GPC6: variants seen among roughly 807,000 people sequenced by gnomAD.
The protein encoded by GPC6 is glypican 6, also known as glypican-6.
In GPC6, 14 loss-of-function variants were observed where a neutral mutation model predicts 55.2. The observed-to-expected ratio is 0.25, with a 90% CI of 0.17 to 0.40. The LOEUF (loss-of-function observed/expected upper bound fraction) is 0.40. Ranked by LOEUF, GPC6 falls within the 10% of genes least tolerant of loss-of-function variation. The pLI is 1.00. For missense variants in GPC6, 641 were observed against 708.5 expected (o/e 0.90, Z 1.08); for synonymous variants, 278 against 259.6 (o/e 1.07, Z -0.68).
chr13:93,840,317 A>G (rs975473635), intron 3 of GPC6, among the ~76,000 whole-genome samples: 3 of 152,124 alleles, frequency 2.0e-5, no homozygotes, highest in South Asian at 2.1e-4. Context: ...CTGTGAACAC[A>G]TTTACGCACA....
chr13:93,568,681 C>T (rs1168714121), intron 2 of GPC6, among the ~76,000 whole-genome samples: 3 of 152,144 alleles, frequency 2.0e-5, no homozygotes, highest in African/African-American at 7.2e-5. Context: ...GACCTCTGCA[C>T]ATCCTTACAA....
rs73548001 is a variant in GPC6, at chr13:94,218,407, G to T, written c.878-67942G>T. On this transcript the variant is annotated intron_variant, in intron 4 of 8. Coordinates refer to ENST00000377047, the MANE Select transcript of GPC6 (RefSeq NM_005708.5). ...TGCTTGAGGCTGAATCTTTCATGAGGTGGAAGAGGTAAAAATGGCAGGGTT... is the reference window on the plus strand; with the variant it reads ...TGCTTGAGGCTGAATCTTTCATGAGTTGGAAGAGGTAAAAATGGCAGGGTT... Among the ~76,000 whole-genome samples, 328 of 152,250 alleles carry T rather than the reference G, an allele frequency of 2.2e-3. 1 individual carries two copies. Among genetic ancestry groups the T allele is most frequent in the African/African-American group, 7.6e-3 (317 of 41,556 alleles).
intron 1 of GPC6, among the ~76,000 whole-genome samples, chr13:93,530,472 A>T (rs187773609): frequency 2.0e-5 from 3 of 152,270 alleles, no homozygotes; most frequent in Admixed American, 2.0e-4. Context: ...TGGGTAGTGG[A>T]AATGCGGACT....
intron 2 of GPC6, among the ~76,000 whole-genome samples, chr13:93,784,632 C>G (rs185703721): frequency 6.6e-6 from 1 of 152,170 alleles, no homozygotes; most frequent in African/African-American, 2.4e-5. Context: ...GCTGAAACCT[C>G]TTGTCTACTT....
At chr13:93,668,880 A>G (rs756299501) in intron 2 of GPC6, among the ~76,000 whole-genome samples, 15 of 152,226 alleles carry the variant, frequency 9.9e-5, no homozygotes, top group Non-Finnish European at 1.8e-4. Context: ...GCTTACCTGG[A>G]AACACTTAGA....
Position 93,677,324 on chromosome 13 carries a change from A to G in GPC6, c.319+131903A>G, listed in dbSNP as rs112154642. On this transcript the variant is annotated intron_variant, in intron 2 of 8. Coordinates refer to ENST00000377047, the MANE Select transcript of GPC6 (RefSeq NM_005708.5). The stretch of plus-strand genomic sequence containing the variant: ...ATAAGTATAGTTATCCCTACAGGGG[A>G]TAGTTTCTCTAGATGATGGTAGATG... 1.9e-4 allele frequency among the ~76,000 whole-genome samples: 29 copies of G among 152,206 alleles called. No individual in the cohort carries two copies. The East Asian group carries it at 5.6e-3, about 29-fold the overall frequency.
intron 4 of GPC6, among the ~76,000 whole-genome samples, chr13:94,261,005 G>C (rs1193951141): frequency 6.6e-6 from 1 of 152,184 alleles, no homozygotes; most frequent in Non-Finnish European, 1.5e-5. Flanking sequence ...CGGGCACAGT[G>C]GCTCATGTCT....
chr13:93,921,813 C>G (rs971462070), intron 3 of GPC6, among the ~76,000 whole-genome samples: 1 of 151,638 alleles, frequency 6.6e-6, no homozygotes, highest in African/African-American at 2.4e-5. Context: ...GCTTGGGGTG[C>G]GAAAACAGGA....
At chr13:93,678,192 C>G (rs1460634543) in intron 2 of GPC6, among the ~76,000 whole-genome samples, 1 of 152,086 alleles carries the variant, frequency 6.6e-6, no homozygotes, top group Non-Finnish European at 1.5e-5. Flanking sequence ...AATATGCATA[C>G]CCTTTCACAA....
intron 2 of GPC6, among the ~76,000 whole-genome samples, chr13:93,666,069 G>C (rs570182410): frequency 6.6e-6 from 1 of 152,252 alleles, no homozygotes; most frequent in East Asian, 1.9e-4. Flanking sequence ...TATACTAATT[G>C]TTGAATGAAC....
chr13:93,517,929 C>T (rs1881262111), intron 1 of GPC6, among the ~76,000 whole-genome samples: 1 of 151,444 alleles, frequency 6.6e-6, no homozygotes. Flanking sequence ...AATCTCTCTT[C>T]TAATTTTAGT....
intron 4 of GPC6, among the ~76,000 whole-genome samples, chr13:94,216,527 TATGAGAATCCCAGTCTGAGACTAA>T (rs1321396495): frequency 6.6e-6 from 1 of 152,234 alleles, no homozygotes; most frequent in East Asian, 1.9e-4. Context: ...ACCAAATTGA[TATGAGAATCCCAGTCTGAGACTAA>T]ATGTGACACA....
rs541605290 is a variant in GPC6, at chr13:93,277,748, T to C, written c.160+50132T>C. ...TTTATTGTGGTAAATATCTTTTCAA[T>C]GTACTATAAGTTTTCTAAGGGCAGG... On this transcript the variant is annotated intron_variant, in intron 1 of 8. Transcript: ENST00000377047. Among the ~76,000 whole-genome samples, 6 of 152,332 alleles carry C rather than the reference T, an allele frequency of 3.9e-5. No homozygotes were observed. The South Asian group carries it at 1.0e-3, about 26-fold the overall frequency.
intron 2 of GPC6, among the ~76,000 whole-genome samples, chr13:93,616,005 G>A (rs1878700958): frequency 6.6e-6 from 1 of 152,088 alleles, no homozygotes; most frequent in Admixed American, 6.6e-5. Context: ...CTAAGTATTT[G>A]AAGAAGGATT....
At chr13:93,505,467 A>G (rs962829748) in intron 1 of GPC6, among the ~76,000 whole-genome samples, 3 of 152,118 alleles carry the variant, frequency 2.0e-5, no homozygotes, top group Admixed American at 6.6e-5. Context: ...AGAGAGAGAG[A>G]GAGAGAGAAA....
intron 1 of GPC6, among the ~76,000 whole-genome samples, chr13:93,302,653 C>T (rs1274183794): frequency 2.0e-5 from 3 of 152,172 alleles, no homozygotes; most frequent in Non-Finnish European, 4.4e-5. Flanking sequence ...TGAAGTCAAA[C>T]TTGTCTGCCA....
intron 2 of GPC6, among the ~76,000 whole-genome samples, chr13:93,689,991 T>G (rs1317153320): frequency 2.6e-5 from 4 of 152,094 alleles, no homozygotes; most frequent in Non-Finnish European, 5.9e-5. Flanking sequence ...AGATCTGTAG[T>G]GATATAGATA....
chr13:94,160,565 C>T (rs1443024583), intron 4 of GPC6, among the ~76,000 whole-genome samples: 2 of 152,214 alleles, frequency 1.3e-5, no homozygotes, highest in East Asian at 1.9e-4. Context: ...GGGTTGCAGG[C>T]CCATTAAACC....
chr13:93,261,992 A>G (rs1594058668), intron 1 of GPC6, among the ~76,000 whole-genome samples: 1 of 151,400 alleles, frequency 6.6e-6, no homozygotes, highest in Non-Finnish European at 1.5e-5. Context: ...TATTTTGTTA[A>G]TGTGAAGTCA....
Sources: allele counts gnomAD v4.1 joint callset (sites outside exome capture counted in the v4.1 genomes callset), GRCh38; gene constraint gnomAD v4.1.1; transcripts MANE v1.5; gene names NCBI Gene and HGNC (gene_info 2026-07-23, HGNC 2026-07-21).